Variants in COL14A1 observed in about 807,000 individuals in gnomAD.
COL14A1 encodes collagen type XIV alpha 1 chain.
Under a neutral mutation model 230.3 loss-of-function variants are expected in COL14A1, and 136 were observed. The observed-to-expected ratio is 0.59, with a 90% CI of 0.51 to 0.68. COL14A1 has a LOEUF of 0.68. Among genes scored for constraint, COL14A1 ranks in the 30% least tolerant of loss-of-function variants. COL14A1 has a pLI of 0.00. For missense variants in COL14A1, 1,976 were observed against 2,215.8 expected, an observed-to-expected ratio of 0.89 and a Z score of 2.17; for synonymous variants, 792 against 784.1, an observed-to-expected ratio of 1.01 and a Z score of -0.17.
intron 1 of COL14A1, among the ~76,000 whole-genome samples, chr8:120,144,666 C>G (rs1309605043): frequency 1.3e-5 from 2 of 151,924 alleles, no homozygotes; most frequent in African/African-American, 4.8e-5. Flanking sequence ...AAAAACACGT[C>G]GATTGCAAAC....
Position 120,254,545 on chromosome 8 carries a change from T to C in COL14A1, c.2753-695T>C, listed in dbSNP as rs2129707134. On this transcript the variant is annotated intron_variant, in intron 22 of 47. Transcript: ENST00000297848. ...TGATAAATACATACTGTATTTACTT[T>C]TTTATTATACAAGTATTACATATTT... Among the ~76,000 whole-genome samples the C allele has an allele frequency of 1.3e-5, 2 of 152,292 alleles. 1 individual carries two copies. Among genetic ancestry groups the C allele is most frequent in the East Asian group, 3.9e-4 (2 of 5,182 alleles).
chr8:120,335,618 G>T (rs191904360), intron 42 of COL14A1, among the ~76,000 whole-genome samples: 1 of 152,206 alleles, frequency 6.6e-6, no homozygotes. Flanking sequence ...AGGCATGAGG[G>T]AAAGGGACCA....
At chr8:120,316,880 G>A (rs7819160) in intron 40 of COL14A1, among the ~76,000 whole-genome samples, 77,807 of 151,976 alleles carry the variant, frequency 0.51, 21,009 homozygotes, top group African/African-American at 0.69. Flanking sequence ...TTGTATGTGT[G>A]TGTTGAATGC....
intron 4 of COL14A1, among the ~76,000 whole-genome samples, chr8:120,165,511 T>C (rs2130562118): frequency 1.3e-5 from 2 of 152,376 alleles, no homozygotes; most frequent in South Asian, 4.1e-4. Context: ...TGCCTATTAC[T>C]GTGCAGATGA....
At chr8:120,188,006 A>T (rs1000195113) in intron 5 of COL14A1, among the ~76,000 whole-genome samples, 6 of 152,104 alleles carry the variant, frequency 3.9e-5, no homozygotes, top group Non-Finnish European at 7.3e-5. Flanking sequence ...CTGACTGCAA[A>T]TGGGAATAAT....
At chr8:120,252,744 GGGGC>G (rs1331304934) in intron 22 of COL14A1, among the ~76,000 whole-genome samples, 1 of 152,134 alleles carries the variant, frequency 6.6e-6, no homozygotes, top group Non-Finnish European at 1.5e-5. Context: ...TTGTAATGAT[GGGGC>G]TTTATGCACT....
chr8:120,167,691 C>T (rs1360644131), intron 4 of COL14A1, among the ~76,000 whole-genome samples: 6 of 152,064 alleles, frequency 3.9e-5, no homozygotes, highest in Non-Finnish European at 8.8e-5. Context: ...TCTTGTTTTG[C>T]TGTTGGAGCA....
chr8:120,330,745 AT>A lies in COL14A1; in HGVS notation c.4660-1395del, dbSNP rs1307142313. Among the ~76,000 whole-genome samples the A allele has an allele frequency of 5.3e-5, 8 of 152,236 alleles. No homozygotes were observed. In the East Asian group the frequency reaches 1.4e-3, roughly 26 times the overall value. ...ACACCGTTTCCTTTCCCTCGGCCTT[AT>A]CATTGCTGTCTTTTATTTGACACCT... is the stretch of plus-strand genomic sequence containing the variant. On this transcript the variant is annotated intron_variant, in intron 40 of 47. Coordinates refer to ENST00000297848, the MANE Select transcript of COL14A1 (RefSeq NM_021110.4).
At chr8:120,314,081 G>C in intron 38 of COL14A1, 54 bp downstream of exon 38, 1 of 1,299,960 alleles carries the variant, frequency 7.7e-7, no homozygotes, top group Non-Finnish European at 1.1e-6. Context: ...TTTTCCATGA[G>C]GTTACAAAGA....
At chr8:120,340,136 A>G (rs1822243659) in intron 42 of COL14A1, among the ~76,000 whole-genome samples, 1 of 127,510 alleles carries the variant, frequency 7.8e-6, no homozygotes, top group Non-Finnish European at 1.7e-5. Flanking sequence ...GTGTGTGTGT[A>G]TTGAATAGAC....
chr8:120,208,839 C>T (rs1368102798), intron 11 of COL14A1, among the ~76,000 whole-genome samples: 1 of 152,038 alleles, frequency 6.6e-6, no homozygotes, highest in East Asian at 1.9e-4. Flanking sequence ...CGTAATAACA[C>T]ACCATGACAA....
intron 46 of COL14A1, among the ~76,000 whole-genome samples, 198 bp from the exon 47 acceptor site, chr8:120,369,132 C>T (rs1338610697): frequency 1.3e-5 from 2 of 152,190 alleles, no homozygotes; most frequent in Non-Finnish European, 2.9e-5. Flanking sequence ...GCATTGACCT[C>T]CAGGAGGATA....
chr8:120,255,942 C>T (rs182516739), intron 23 of COL14A1, among the ~76,000 whole-genome samples: 1 of 152,196 alleles, frequency 6.6e-6, no homozygotes, highest in Admixed American at 6.6e-5. Context: ...AAATGTCTCA[C>T]TGTCTTCATT....
At position 120,228,740 on chromosome 8, in the gene COL14A1, C is replaced by T. The variant is rs1230128585; in HGVS notation, c.2168C>T (p.Thr723Ile). Residue 723 changes from threonine to isoleucine, a missense_variant, in exon 18 of 48, where the codon ACC (threonine) becomes ATC (isoleucine). Transcript: ENST00000297848. The stretch of plus-strand genomic sequence containing the variant: ...AGTTTTTGGACAGAACCAGCTACAA[C>T]CATAGTGCCTACCACATCTGTGACT... ...LDSFWTEPAT[T>I]IVPTTSVTSV... 3.1e-6 allele frequency: 5 copies of T among 1,613,928 alleles called. No individual in the cohort carries two copies. The highest frequency in any genetic ancestry group is 2.2e-5 in the East Asian group (1 of 44,862).
At chr8:120,186,431 T>C (rs1299861658) in intron 5 of COL14A1, among the ~76,000 whole-genome samples, 2 of 152,232 alleles carry the variant, frequency 1.3e-5, no homozygotes, top group Non-Finnish European at 2.9e-5. Context: ...CTGAGGCTGA[T>C]ATTTTGCTAG....
At chr8:120,224,836 A>G (rs1386160205) in intron 14 of COL14A1, among the ~76,000 whole-genome samples, 4 of 152,142 alleles carry the variant, frequency 2.6e-5, no homozygotes, top group Non-Finnish European at 5.9e-5. Flanking sequence ...TCTGCCTCTT[A>G]AGTTGTCTGC....
At chr8:120,302,219 T>C (rs771559623) in intron 36 of COL14A1, among the ~76,000 whole-genome samples, 11 of 152,240 alleles carry the variant, frequency 7.2e-5, no homozygotes, top group Non-Finnish European at 1.2e-4. Flanking sequence ...ACTTTTGCTG[T>C]GCAGAAGCAC....
Position 120,197,884 on chromosome 8 carries a change from T to C in COL14A1, c.666T>C (p.Ile222=). The C allele has an allele frequency of 6.2e-7, 1 of 1,613,760 alleles. No individual in the cohort carries two copies. The highest frequency in any genetic ancestry group is 1.1e-5 in the South Asian group (1 of 91,054). The change falls in exon 7 of 48, where the codon ATT becomes ATC. Residue 222 remains isoleucine, a synonymous_variant. Coordinates refer to ENST00000297848, the MANE Select transcript of COL14A1 (RefSeq NM_021110.4). ...CATTTAGCACAAAAGATGAAGTGAT[T>C]GAAGCTGTCCGAAACCTCCCATATA... ...LNAFSTKDEV[I]EAVRNLPYKG...
chr8:120,224,524 A>G (rs1028970852), intron 14 of COL14A1, among the ~76,000 whole-genome samples: 1 of 151,972 alleles, frequency 6.6e-6, no homozygotes, highest in Non-Finnish European at 1.5e-5. Context: ...TCTAATCCTT[A>G]ATTTTTCTTA....
Sources: allele counts gnomAD v4.1 joint callset (sites outside exome capture counted in the v4.1 genomes callset), GRCh38; gene constraint gnomAD v4.1.1; transcripts MANE v1.5; gene names NCBI Gene and HGNC (gene_info 2026-07-23, HGNC 2026-07-21).